Variants in SPATA16 observed in about 807,000 individuals in gnomAD.
The protein encoded by SPATA16 is spermatogenesis-associated protein 16.
Under a neutral mutation model 63.3 loss-of-function variants are expected in SPATA16, and 36 were observed. The ratio of observed to expected loss-of-function variants is 0.57; its 90% CI spans 0.44 to 0.75. SPATA16 has a LOEUF of 0.75. SPATA16 is among the 30% of genes least tolerant of loss of function. The pLI, the probability that SPATA16 is intolerant of heterozygous loss-of-function variation, is 0.00. For missense variants in SPATA16, 646 were observed against 679.3 expected, an observed-to-expected ratio of 0.95 and a Z score of 0.54; for synonymous variants, 203 against 216.7, an observed-to-expected ratio of 0.94 and a Z score of 0.56.
At chr3:173,017,497 G>C (rs938350237) in intron 4 of SPATA16, among the ~76,000 whole-genome samples, 1 of 152,120 alleles carries the variant, frequency 6.6e-6, no homozygotes, top group Admixed American at 6.5e-5. Flanking sequence ...ATACAATTAT[G>C]TTATAGCCAA....
intron 1 of SPATA16, among the ~76,000 whole-genome samples, chr3:173,122,858 G>A (rs1738116687): frequency 6.6e-6 from 1 of 152,160 alleles, no homozygotes; most frequent in Non-Finnish European, 1.5e-5. Context: ...ATATTGATGT[G>A]TAGTTTCTTC....
intron 3 of SPATA16, among the ~76,000 whole-genome samples, chr3:173,021,258 A>G (rs1474110115): frequency 6.6e-6 from 1 of 152,198 alleles, no homozygotes. Context: ...ATGCATAACT[A>G]GTTAAAGAGC....
chr3:172,906,450 C>G (rs1419727719), intron 10 of SPATA16, among the ~76,000 whole-genome samples: 3 of 152,194 alleles, frequency 2.0e-5, no homozygotes, highest in Non-Finnish European at 4.4e-5. Flanking sequence ...CTCAGTGACT[C>G]TTTGGCTCAG....
chr3:173,023,804 T>C lies in SPATA16; in HGVS notation c.759-4229A>G, dbSNP rs867971397. 1.3e-4 allele frequency among the ~76,000 whole-genome samples: 20 copies of C among 151,672 alleles called. 1 individual carries two copies. In the South Asian group the frequency reaches 2.5e-3, roughly 19 times the overall value. On this transcript the variant is annotated intron_variant, in intron 3 of 10. Transcript: ENST00000351008. ...TGTTAATTCTTAAGTTTGAAAACTC[T>C]GCATGAGAATATATGTCAATATGTC...
intron 2 of SPATA16, among the ~76,000 whole-genome samples, chr3:173,112,224 T>C (rs1052286397): frequency 4.6e-5 from 7 of 152,246 alleles, no homozygotes; most frequent in Non-Finnish European, 1.0e-4. Context: ...AATTCTTTCC[T>C]ATAAAATCAA....
intron 10 of SPATA16, among the ~76,000 whole-genome samples, chr3:172,896,524 C>T (rs1034427683): frequency 3.3e-5 from 5 of 152,130 alleles, no homozygotes; most frequent in African/African-American, 1.2e-4. Flanking sequence ...CCCGAAACTG[C>T]CGTATTATTT....
intron 2 of SPATA16, among the ~76,000 whole-genome samples, chr3:173,088,320 T>A (rs192185064): frequency 6.6e-6 from 1 of 152,084 alleles, no homozygotes; most frequent in Admixed American, 6.6e-5. Flanking sequence ...CTTGACCTCA[T>A]GATCCGACCA....
At chr3:172,902,123 C>G (rs754143684) in intron 10 of SPATA16, among the ~76,000 whole-genome samples, 5 of 152,138 alleles carry the variant, frequency 3.3e-5, no homozygotes, top group Admixed American at 2.6e-4. Context: ...CTGAAACCTC[C>G]GCCTCTCGGG....
intron 1 of SPATA16, among the ~76,000 whole-genome samples, chr3:173,130,030 T>C (rs1244440101): frequency 6.6e-6 from 1 of 152,144 alleles, no homozygotes; most frequent in Non-Finnish European, 1.5e-5. Flanking sequence ...GTAAAGTATC[T>C]TTTGGAGTAG....
rs1174229814 is a variant in SPATA16 at position 173,117,735 on chromosome 3, TC to T, written c.-5del. On this transcript the variant is annotated 5_prime_UTR_variant, in exon 2 of 11. Coordinates refer to ENST00000351008, the MANE Select transcript of SPATA16 (RefSeq NM_031955.6). ...TCCTACTGCTTCCTGCATCCATCGA[TC>T]CTGCCCAAAACTCCTGCAGGGGGGA... 2.5e-6 allele frequency: 4 copies of T among 1,614,028 alleles called. No homozygotes were observed. Among genetic ancestry groups the T allele is most frequent in the Non-Finnish European group, 3.4e-6 (4 of 1,180,004 alleles).
At chr3:172,920,374 G>A (rs995125657) in intron 8 of SPATA16, among the ~76,000 whole-genome samples, 9 of 152,188 alleles carry the variant, frequency 5.9e-5, no homozygotes, top group Admixed American at 5.2e-4. Context: ...TAATGACCAG[G>A]ACTGCTCTGT....
chr3:173,049,785 A>G (rs772036882), intron 2 of SPATA16, among the ~76,000 whole-genome samples: 6 of 152,146 alleles, frequency 3.9e-5, no homozygotes, highest in African/African-American at 1.2e-4. Context: ...ACTGTAGAGA[A>G]AGAAAATAAT....
At chr3:173,046,962 A>G (rs1281953541) in intron 3 of SPATA16, among the ~76,000 whole-genome samples, 1 of 151,972 alleles carries the variant, frequency 6.6e-6, no homozygotes, top group East Asian at 1.9e-4. Flanking sequence ...ACAGCAGCAA[A>G]AATTATTTTA....
intron 2 of SPATA16, among the ~76,000 whole-genome samples, chr3:173,077,897 A>C (rs909477539): frequency 6.6e-6 from 1 of 152,174 alleles, no homozygotes; most frequent in African/African-American, 2.4e-5. Context: ...CCTGGGAGAA[A>C]ATGTATGAAG....
At chr3:172,977,602 G>T (rs1396364378) in intron 4 of SPATA16, among the ~76,000 whole-genome samples, 3 of 152,134 alleles carry the variant, frequency 2.0e-5, no homozygotes, top group Non-Finnish European at 4.4e-5. Context: ...TTAATGTCTA[G>T]TGTGTAGACT....
rs905905075 is a variant in SPATA16 at position 173,019,677 on chromosome 3, T to C, written c.759-102A>G. 32 of 1,100,166 alleles carry C rather than the reference T, an allele frequency of 2.9e-5. No homozygotes were observed. The African/African-American group carries it at 4.3e-4, about 15-fold the overall frequency. The allele number at this position is 1,100,166 out of a possible 1,614,324, so 68.2% of individuals were successfully genotyped here. ...CACAGGCATTCAATTTTATATACTA[T>C]GTGTTTTTAAAGATACTAGTGAAAG... is the stretch of plus-strand genomic sequence containing the variant. On this transcript the variant is annotated intron_variant, in intron 3 of 10. Coordinates refer to ENST00000351008, the MANE Select transcript of SPATA16 (RefSeq NM_031955.6).
At chr3:173,091,244 G>C (rs1354904330) in intron 2 of SPATA16, among the ~76,000 whole-genome samples, 2 of 152,098 alleles carry the variant, frequency 1.3e-5, no homozygotes, top group East Asian at 3.9e-4. Flanking sequence ...TAACTTAGTA[G>C]ACTAATGTCA....
At chr3:173,093,383 C>A (rs1737272202) in intron 2 of SPATA16, among the ~76,000 whole-genome samples, 1 of 152,170 alleles carries the variant, frequency 6.6e-6, no homozygotes, top group African/African-American at 2.4e-5. Flanking sequence ...ATTGTTCTTC[C>A]TTTACTGGAG....
intron 3 of SPATA16, among the ~76,000 whole-genome samples, chr3:173,034,604 C>T (rs1577141928): frequency 6.6e-6 from 1 of 152,156 alleles, no homozygotes; most frequent in East Asian, 1.9e-4. Flanking sequence ...TGTAGGACTT[C>T]TAAATATTGT....
Sources: allele counts gnomAD v4.1 joint callset (sites outside exome capture counted in the v4.1 genomes callset), GRCh38; gene constraint gnomAD v4.1.1; transcripts MANE v1.5; gene names NCBI Gene and HGNC (gene_info 2026-07-23, HGNC 2026-07-21).